SLC25A48: variants seen among roughly 807,000 people sequenced by gnomAD.
SLC25A48 encodes CTC-321K16.1.
A neutral mutation model predicts 32.2 loss-of-function variants in SLC25A48; 29 were observed. That is an observed-to-expected ratio of 0.90 (90% CI 0.67 to 1.23). The LOEUF is 1.23. Among genes scored for constraint, SLC25A48 ranks in the 50% most tolerant of loss-of-function variants. SLC25A48 has a pLI of 0.00. For synonymous variants in SLC25A48, 164 were observed against 172.3 expected (o/e 0.95, Z 0.38); for missense variants, 399 against 422.7 (o/e 0.94, Z 0.49).
chr5:135,741,947 A>T (rs1354707761), intron 3 of SLC25A48, among the ~76,000 whole-genome samples: 1 of 152,096 alleles, frequency 6.6e-6, no homozygotes, highest in Non-Finnish European at 1.5e-5. Context: ...TCTGCTAGCC[A>T]TTTTCTTGGC....
At chr5:135,655,292 T>G (rs1330097310) in intron 3 of SLC25A48, among the ~76,000 whole-genome samples, 1 of 152,196 alleles carries the variant, frequency 6.6e-6, no homozygotes, top group African/African-American at 2.4e-5. Flanking sequence ...GCTTCCTGTG[T>G]ATTAACTCAT....
chr5:135,706,527 A>G (rs1255281491), intron 3 of SLC25A48, among the ~76,000 whole-genome samples: 2 of 151,870 alleles, frequency 1.3e-5, no homozygotes, highest in East Asian at 3.9e-4. Flanking sequence ...ATATTTATCA[A>G]CCATCATCAG....
At chr5:135,830,076 A>T (rs1190052230), upstream of SLC25A48, among the ~76,000 whole-genome samples, 5 of 152,100 alleles carry the variant, frequency 3.3e-5, no homozygotes, top group Non-Finnish European at 7.4e-5. Flanking sequence ...ATGGGTTCTC[A>T]TCAAGCTTCT....
chr5:135,888,038 A>G lies in SLC25A48; in HGVS notation c.*14A>G. On this transcript the variant is annotated 3_prime_UTR_variant, in exon 8 of 8. Coordinates refer to ENST00000681962, the MANE Select transcript of SLC25A48 (RefSeq NM_001349336.2). The stretch of plus-strand genomic sequence containing the variant: ...GGTTGTTTGCTGTTTCCAGGAGGTG[A>G]ACACAGGATGACTACAGTGTTCCCT... 1 of 1,551,422 alleles carries G rather than the reference A, an allele frequency of 6.4e-7. No individual in the cohort carries two copies. Among genetic ancestry groups the G allele is most frequent in the East Asian group, 2.4e-5 (1 of 40,910 alleles).
chr5:135,583,727 C>T (rs761106806), intron 1 of SLC25A48, among the ~76,000 whole-genome samples: 8 of 152,172 alleles, frequency 5.3e-5, no homozygotes, highest in Non-Finnish European at 8.8e-5. Context: ...CCCATCACCA[C>T]TCATGACATG....
intron 3 of SLC25A48, among the ~76,000 whole-genome samples, chr5:135,692,664 AG>A (rs759395248): frequency 1.9e-4 from 29 of 152,218 alleles, no homozygotes; most frequent in Non-Finnish European, 8.8e-5. Flanking sequence ...GAGAGCTTAG[AG>A]GAGCTGTCTT....
intron 1 of SLC25A48, among the ~76,000 whole-genome samples, chr5:135,622,265 A>G (rs1752342833): frequency 6.6e-6 from 1 of 152,234 alleles, no homozygotes; most frequent in East Asian, 1.9e-4. Flanking sequence ...AAATGCTTAT[A>G]TCAAGAGCCT....
At chr5:135,738,699 AC>A (rs1755434734) in intron 3 of SLC25A48, among the ~76,000 whole-genome samples, 1 of 152,200 alleles carries the variant, frequency 6.6e-6, no homozygotes, top group African/African-American at 2.4e-5. Flanking sequence ...CCCAAGCCCC[AC>A]AGGAGGGCCT....
At chr5:135,659,348 G>C (rs534339613) in intron 3 of SLC25A48, among the ~76,000 whole-genome samples, 3 of 152,194 alleles carry the variant, frequency 2.0e-5, no homozygotes, top group Non-Finnish European at 4.4e-5. Flanking sequence ...CATAGCAAGA[G>C]GGACCTTTAC....
chr5:135,819,319 C>G (rs1757818902), intron 4 of SLC25A48, among the ~76,000 whole-genome samples: 1 of 152,064 alleles, frequency 6.6e-6, no homozygotes, highest in African/African-American at 2.4e-5. Flanking sequence ...TTACCACTTA[C>G]AAAGCTTAAA....
At chr5:135,621,116 G>T (rs1475999454) in intron 1 of SLC25A48, among the ~76,000 whole-genome samples, 3 of 152,188 alleles carry the variant, frequency 2.0e-5, no homozygotes, top group Non-Finnish European at 4.4e-5. Context: ...GACAAACAGG[G>T]CTGCATGCTG....
intron 3 of SLC25A48, among the ~76,000 whole-genome samples, chr5:135,796,007 C>CGGGG (rs1159766305): frequency 3.8e-5 from 1 of 26,128 alleles, no homozygotes; most frequent in Non-Finnish European, 1.2e-4. Flanking sequence ...CCCAGTATCG[C>CGGGG]GAGGGGGGGG....
intron 6 of SLC25A48, among the ~76,000 whole-genome samples, chr5:135,879,452 C>T (rs1243180235): frequency 6.6e-6 from 1 of 152,088 alleles, no homozygotes; most frequent in East Asian, 1.9e-4. Context: ...TGCCTCAACC[C>T]CATGTCTGCA....
chr5:135,868,184 A>G (rs1187825248), intron 4 of SLC25A48, among the ~76,000 whole-genome samples: 1 of 152,242 alleles, frequency 6.6e-6, no homozygotes, highest in Non-Finnish European at 1.5e-5. Context: ...ATAAGAGGCC[A>G]GAGGAGGAGA....
intron 1 of SLC25A48, among the ~76,000 whole-genome samples, chr5:135,618,683 A>T (rs1443949205): frequency 6.6e-6 from 1 of 152,118 alleles, no homozygotes; most frequent in Non-Finnish European, 1.5e-5. Context: ...GAGCTGGTCC[A>T]GTGGTGATGA....
chr5:135,767,996 G>T (rs891900631), intron 3 of SLC25A48, among the ~76,000 whole-genome samples: 2 of 146,998 alleles, frequency 1.4e-5, no homozygotes, highest in African/African-American at 5.1e-5. Context: ...ATATCACAGC[G>T]GGTGTACACA....
intron 3 of SLC25A48, among the ~76,000 whole-genome samples, chr5:135,778,847 C>G (rs927705821): frequency 1.0e-3 from 4 of 3,830 alleles, no homozygotes; most frequent in African/African-American, 3.0e-3. Context: ...ACACCCCCCC[C>G]GCCCCGCCGT....
At chr5:135,788,467 G>C (rs536719381) in intron 3 of SLC25A48, among the ~76,000 whole-genome samples, 2 of 149,668 alleles carry the variant, frequency 1.3e-5, no homozygotes, top group African/African-American at 2.5e-5. Context: ...TTATATTCGT[G>C]GGGGGAGAGG....
At chr5:135,882,062 G>T (rs897798472) in intron 7 of SLC25A48, among the ~76,000 whole-genome samples, 1 of 152,234 alleles carries the variant, frequency 6.6e-6, no homozygotes, top group African/African-American at 2.4e-5. Flanking sequence ...CGATTGTCCT[G>T]CATTTAGCCT....
Sources: allele counts gnomAD v4.1 joint callset (sites outside exome capture counted in the v4.1 genomes callset), GRCh38; gene constraint gnomAD v4.1.1; transcripts MANE v1.5; gene names NCBI Gene and HGNC (gene_info 2026-07-23, HGNC 2026-07-21).